The following SMG6 variants were observed in gnomAD, a reference collection of about 807,000 sequenced individuals.
The protein encoded by SMG6 is SMG6 nonsense mediated mRNA decay factor.
A neutral mutation model predicts 142.2 loss-of-function variants in SMG6; 66 were observed. The observed-to-expected ratio is 0.46, with a 90% confidence interval of 0.38 to 0.57. SMG6 has a LOEUF of 0.57. Among genes scored for constraint, SMG6 ranks in the 20% least tolerant of loss-of-function variants. The pLI, the probability that SMG6 is intolerant of heterozygous loss-of-function variation, is 0.00. For synonymous variants in SMG6, 779 were observed against 702.4 expected, an observed-to-expected ratio of 1.11 and a Z score of -1.72; for missense variants, 1,793 against 1,832.0, an observed-to-expected ratio of 0.98 and a Z score of 0.39.
At chr17:2,288,093 C>G (rs1211433736) in intron 6 of SMG6, among the ~76,000 whole-genome samples, 1 of 151,034 alleles carries the variant, frequency 6.6e-6, no homozygotes, top group Non-Finnish European at 1.5e-5. Context: ...GTGGGTGGAT[C>G]ACCTGAAGTC....
chr17:2,127,323 G>T, intron 13 of SMG6: 2 of 449,870 alleles, frequency 4.4e-6, no homozygotes, highest in Non-Finnish European at 8.6e-6. Context: ...AGTAGTGATG[G>T]TCGCACAACA....
chr17:2,298,519 A>C (rs987167425), intron 2 of SMG6, among the ~76,000 whole-genome samples: 3 of 152,126 alleles, frequency 2.0e-5, no homozygotes, highest in African/African-American at 4.8e-5. Context: ...GGAGATCGAG[A>C]TCATCCTGGC....
intron 10 of SMG6, among the ~76,000 whole-genome samples, chr17:2,207,495 T>C (rs1029676217): frequency 6.6e-6 from 1 of 151,764 alleles, no homozygotes; most frequent in African/African-American, 2.4e-5. Flanking sequence ...GAACGATCCA[T>C]CCAGAATGAG....
intron 8 of SMG6, among the ~76,000 whole-genome samples, chr17:2,261,313 CAAA>C (rs58928595): frequency 7.4e-6 from 1 of 134,328 alleles, no homozygotes. Flanking sequence ...GACTCCGTCT[CAAA>C]AAAAAAAAAA....
intron 18 of SMG6, among the ~76,000 whole-genome samples, chr17:2,064,869 G>C (rs1365167343): frequency 1.3e-5 from 2 of 152,068 alleles, no homozygotes; most frequent in Non-Finnish European, 2.9e-5. Flanking sequence ...CTCATCTCTA[G>C]TTGGCCCAGG....
chr17:2,300,767 C>T (rs1567766642), intron 1 of SMG6, 103 bp from the exon 2 acceptor site: 2 of 1,094,424 alleles, frequency 1.8e-6, no homozygotes, highest in Non-Finnish European at 2.6e-6. Context: ...CAAAAAAAGT[C>T]GAGCAAGAAT....
intron 16 of SMG6, among the ~76,000 whole-genome samples, chr17:2,066,408 A>G (rs952946224): frequency 6.8e-6 from 1 of 148,128 alleles, no homozygotes; most frequent in Non-Finnish European, 1.5e-5. Flanking sequence ...CTGCCTCCCT[A>G]TGTGTCTGGG....
chr17:2,141,221 C>T (rs2070470393), intron 13 of SMG6, among the ~76,000 whole-genome samples: 1 of 152,212 alleles, frequency 6.6e-6, no homozygotes, highest in South Asian at 2.1e-4. Context: ...GTACTAAACA[C>T]TGCATCATTA....
At chr17:2,270,203 A>G (rs4790072) in intron 8 of SMG6, among the ~76,000 whole-genome samples, 64,493 of 151,612 alleles carry the variant, frequency 0.43, 14,939 homozygotes, top group African/African-American at 0.62. Flanking sequence ...GAAGTCCAGT[A>G]GCAATAGGGA....
At chr17:2,137,986 A>G (rs1388657250) in intron 13 of SMG6, among the ~76,000 whole-genome samples, 3 of 151,812 alleles carry the variant, frequency 2.0e-5, no homozygotes, top group Admixed American at 2.0e-4. Context: ...TGGCGGTTGG[A>G]GAGTAGTATC....
At chr17:2,228,054 T>C (rs149924061) in intron 10 of SMG6, among the ~76,000 whole-genome samples, 282 of 152,284 alleles carry the variant, frequency 1.9e-3, no homozygotes, top group African/African-American at 6.5e-3. Context: ...AGCAAAATTA[T>C]GTGTTTTGTT....
chr17:2,130,281 AAAAG>A (rs1266832543), intron 13 of SMG6, among the ~76,000 whole-genome samples: 5 of 146,944 alleles, frequency 3.4e-5, no homozygotes, highest in Admixed American at 6.8e-5. Flanking sequence ...AAAAAAAAAA[AAAAG>A]AAACAGCATT....
chr17:2,239,288 A>G (rs2073745442), intron 9 of SMG6, among the ~76,000 whole-genome samples: 1 of 152,192 alleles, frequency 6.6e-6, no homozygotes, highest in African/African-American at 2.4e-5. Flanking sequence ...TTTTATAAGG[A>G]TTTCTGGATA....
At chr17:2,064,783 A>C (rs993930446) in intron 18 of SMG6, among the ~76,000 whole-genome samples, 1 of 152,114 alleles carries the variant, frequency 6.6e-6, no homozygotes, top group Non-Finnish European at 1.5e-5. Flanking sequence ...GAACTCACTG[A>C]GGACACCCAA....
chr17:2,148,130 G>T (rs934204526), intron 13 of SMG6, among the ~76,000 whole-genome samples: 5 of 152,146 alleles, frequency 3.3e-5, no homozygotes, highest in Non-Finnish European at 5.9e-5. Flanking sequence ...GGTGCAGGTT[G>T]CAGTGAGCTG....
chr17:2,168,689 C>T (rs1255880699), intron 13 of SMG6, among the ~76,000 whole-genome samples: 1 of 151,928 alleles, frequency 6.6e-6, no homozygotes, highest in Non-Finnish European at 1.5e-5. Flanking sequence ...CTAGCCTGGG[C>T]AAGATGGTGA....
chr17:2,095,538 G>C (rs1325594616), intron 13 of SMG6, among the ~76,000 whole-genome samples: 1 of 152,178 alleles, frequency 6.6e-6, no homozygotes, highest in African/African-American at 2.4e-5. Context: ...ACTCATCACA[G>C]AACAAAGGAA....
chr17:2,277,112 T>C (rs896475007), intron 8 of SMG6, among the ~76,000 whole-genome samples: 5 of 151,638 alleles, frequency 3.3e-5, no homozygotes, highest in African/African-American at 7.3e-5. Flanking sequence ...TAAAGTGCTA[T>C]GTTTAATGTA....
chr17:2,193,857 TCA>T (rs1320104535), intron 10 of SMG6, among the ~76,000 whole-genome samples: 1 of 152,230 alleles, frequency 6.6e-6, no homozygotes, highest in African/African-American at 2.4e-5. Context: ...AGACAGATTC[TCA>T]CTCTGTCGTC....
Sources: gnomAD v4.1 joint callset for allele counts (sites outside exome capture counted in the v4.1 genomes callset) on GRCh38, gnomAD v4.1.1 for gene constraint, MANE v1.5 for transcripts, NCBI Gene and HGNC (gene_info 2026-07-23, HGNC 2026-07-21) for gene names.